Variants in CPNE4 observed in about 807,000 individuals in gnomAD.
CPNE4 encodes copine-4.
A neutral mutation model predicts 67.9 loss-of-function variants in CPNE4; 25 were observed. The observed-to-expected ratio is 0.37, with a 90% CI of 0.27 to 0.51. The LOEUF (loss-of-function observed/expected upper bound fraction) is 0.51, where lower values mean the gene tolerates loss of function less well. CPNE4 is among the 20% of genes least tolerant of loss of function. The pLI is 0.93. For missense variants in CPNE4, 464 were observed against 690.8 expected (o/e 0.67, Z 3.68); for synonymous variants, 242 against 244.9 (o/e 0.99, Z 0.11).
At chr3:132,000,910 G>T (rs1362944492) in intron 1 of CPNE4, among the ~76,000 whole-genome samples, 1 of 150,148 alleles carries the variant, frequency 6.7e-6, no homozygotes, top group Admixed American at 6.7e-5. Context: ...ATCCACAATC[G>T]TCAATCGTGT....
At chr3:131,979,110 A>C (rs760327195) in intron 1 of CPNE4, among the ~76,000 whole-genome samples, 9 of 152,156 alleles carry the variant, frequency 5.9e-5, no homozygotes, top group Middle Eastern at 3.4e-3. Flanking sequence ...ATGGCCTTTC[A>C]TATGGTCTGT....
intron 2 of CPNE4, among the ~76,000 whole-genome samples, chr3:131,751,285 T>A (rs1299299797): frequency 2.0e-5 from 3 of 152,114 alleles, no homozygotes; most frequent in African/African-American, 7.2e-5. Flanking sequence ...ACAACACGAA[T>A]ATTCCATCTT....
chr3:131,807,927 T>C (rs1009845934), intron 2 of CPNE4, among the ~76,000 whole-genome samples: 4 of 152,114 alleles, frequency 2.6e-5, no homozygotes, highest in African/African-American at 4.8e-5. Context: ...GTTGAATGAA[T>C]GAATGAATGA....
intron 2 of CPNE4, among the ~76,000 whole-genome samples, chr3:131,830,368 C>A (rs1346873200): frequency 6.6e-6 from 1 of 152,134 alleles, no homozygotes; most frequent in Non-Finnish European, 1.5e-5. Flanking sequence ...CTTCTGGCAA[C>A]CAGCTGACAG....
At chr3:131,813,875 G>T (rs1205347838) in intron 2 of CPNE4, among the ~76,000 whole-genome samples, 1 of 152,158 alleles carries the variant, frequency 6.6e-6, no homozygotes, top group Non-Finnish European at 1.5e-5. Flanking sequence ...AAATTCTTGT[G>T]TTGAAGATTT....
intron 11 of CPNE4, among the ~76,000 whole-genome samples, chr3:131,560,103 A>C (rs1936683011): frequency 6.6e-6 from 1 of 152,090 alleles, no homozygotes; most frequent in Admixed American, 6.6e-5. Flanking sequence ...CATTTTTGAA[A>C]CATAAATCTA....
At chr3:132,025,336 T>A (rs1186872691) in intron 1 of CPNE4, among the ~76,000 whole-genome samples, 3 of 152,194 alleles carry the variant, frequency 2.0e-5, no homozygotes, top group Non-Finnish European at 4.4e-5. Context: ...GGGCCAGTAC[T>A]AAACGTACCT....
chr3:131,715,387 A>G (rs990808591), intron 3 of CPNE4, among the ~76,000 whole-genome samples: 26 of 152,360 alleles, frequency 1.7e-4, no homozygotes, highest in East Asian at 5.8e-4. Context: ...GTCAACTCCA[A>G]TTTGACTTTG....
intron 11 of CPNE4, among the ~76,000 whole-genome samples, chr3:131,561,585 T>C (rs1936767985): frequency 6.6e-6 from 1 of 152,000 alleles, no homozygotes; most frequent in Admixed American, 6.6e-5. Flanking sequence ...CACCTCATAA[T>C]GACCTGGTAG....
intron 2 of CPNE4, among the ~76,000 whole-genome samples, chr3:131,741,673 G>A (rs9850517): frequency 0.52 from 78,635 of 151,914 alleles, 20,935 homozygotes; most frequent in Non-Finnish European, 0.58. Context: ...AATACTAGAG[G>A]AAGATTTGCC....
At chr3:131,822,126 G>A (rs566791125) in intron 2 of CPNE4, among the ~76,000 whole-genome samples, 4 of 152,000 alleles carry the variant, frequency 2.6e-5, no homozygotes, top group Non-Finnish European at 5.9e-5. Context: ...AGAGTAAAAG[G>A]CAATAAAGCT....
At chr3:131,910,591 G>C (rs984000497) in intron 1 of CPNE4, among the ~76,000 whole-genome samples, 1 of 152,174 alleles carries the variant, frequency 6.6e-6, no homozygotes, top group East Asian at 1.9e-4. Flanking sequence ...CTTAAGGAAA[G>C]AGGTTCAGCC....
At chr3:131,862,836 C>T (rs979982315) in intron 2 of CPNE4, among the ~76,000 whole-genome samples, 4 of 152,000 alleles carry the variant, frequency 2.6e-5, no homozygotes, top group African/African-American at 7.3e-5. Flanking sequence ...TTAGGTATAT[C>T]TCCTAATGCT....
At chr3:131,883,079 G>T (rs770543210) in intron 2 of CPNE4, among the ~76,000 whole-genome samples, 11 of 152,218 alleles carry the variant, frequency 7.2e-5, no homozygotes, top group Non-Finnish European at 1.6e-4. Context: ...AAATAGATGA[G>T]AAAATGGAGG....
intron 1 of CPNE4, among the ~76,000 whole-genome samples, chr3:131,986,700 T>C (rs1048196837): frequency 6.6e-6 from 1 of 151,728 alleles, no homozygotes. Context: ...TTCGAGACCA[T>C]CCTAGCTAAC....
intron 2 of CPNE4, among the ~76,000 whole-genome samples, chr3:131,866,998 C>T (rs1380306130): frequency 6.6e-6 from 1 of 152,090 alleles, no homozygotes; most frequent in African/African-American, 2.4e-5. Context: ...AATAAGACAC[C>T]ACCTGGCATT....
chr3:131,785,591 G>T (rs1449551568), intron 2 of CPNE4, among the ~76,000 whole-genome samples: 1 of 151,570 alleles, frequency 6.6e-6, no homozygotes, highest in Non-Finnish European at 1.5e-5. Context: ...ATTTCAGATT[G>T]TCTTATTACT....
At chr3:131,762,280 C>G (rs2082907732) in intron 2 of CPNE4, among the ~76,000 whole-genome samples, 1 of 151,942 alleles carries the variant, frequency 6.6e-6, no homozygotes, top group Non-Finnish European at 1.5e-5. Flanking sequence ...TATGACATGT[C>G]TGAAATCTAC....
chr3:131,898,472 C>G (rs977844429), intron 2 of CPNE4, among the ~76,000 whole-genome samples: 12 of 152,048 alleles, frequency 7.9e-5, no homozygotes, highest in African/African-American at 2.9e-4. Flanking sequence ...ATCTTCAGGG[C>G]ATACAAAAGA....
Sources: allele counts gnomAD v4.1 joint callset (sites outside exome capture counted in the v4.1 genomes callset), GRCh38; gene constraint gnomAD v4.1.1; transcripts MANE v1.5; gene names NCBI Gene and HGNC (gene_info 2026-07-23, HGNC 2026-07-21).